Variants in ACSM2B observed in about 807,000 individuals in gnomAD.
ACSM2B encodes acyl-coenzyme A synthetase ACSM2B, mitochondrial.
ACSM2B carries 58 observed loss-of-function variants against 78.6 expected under a neutral mutation model. The observed-to-expected ratio is 0.74, with a 90% CI of 0.60 to 0.92. The LOEUF (loss-of-function observed/expected upper bound fraction) is 0.92, where lower values mean the gene tolerates loss of function less well. Among genes scored for constraint, ACSM2B ranks in the 40% least tolerant of loss-of-function variants. ACSM2B has a pLI of 0.00. For synonymous variants in ACSM2B, 257 were observed against 256.8 expected (o/e 1.00, Z -0.01); for missense variants, 688 against 711.2 (o/e 0.97, Z 0.37).
At chr16:20,559,527 A>G in intron 2 of ACSM2B, 80 bp from the exon 3 acceptor site, 1 of 1,525,336 alleles carries the variant, frequency 6.6e-7, no homozygotes, top group Non-Finnish European at 8.8e-7. Flanking sequence ...TGGGATTGCC[A>G]AGCTGGTGCT....
chr16:20,560,262 G>C (rs2152142040), intron 2 of ACSM2B, among the ~76,000 whole-genome samples: 1 of 151,714 alleles, frequency 6.6e-6, no homozygotes, highest in African/African-American at 2.4e-5. Flanking sequence ...CTGAATATTT[G>C]TCCTCTCCAA....
intron 4 of ACSM2B, among the ~76,000 whole-genome samples, chr16:20,554,817 T>G (rs1389261772): frequency 6.6e-6 from 1 of 152,250 alleles, no homozygotes; most frequent in Non-Finnish European, 1.5e-5. Flanking sequence ...TTCAACCCAC[T>G]TGGTGTTAAC....
intron 12 of ACSM2B, 155 bp from the exon 13 acceptor site, chr16:20,540,928 A>G: frequency 3.3e-6 from 4 of 1,195,310 alleles, no homozygotes; most frequent in Non-Finnish European, 4.6e-6. Context: ...AACTGGGGAC[A>G]AGAATGAGGT....
chr16:20,543,556 T>C (rs1356690136), intron 10 of ACSM2B, among the ~76,000 whole-genome samples: 3 of 152,218 alleles, frequency 2.0e-5, no homozygotes, highest in Admixed American at 6.5e-5. Flanking sequence ...CCCCAATTGA[T>C]TCCATCTCTC....
chr16:20,563,496 A>T (rs914781919), intron 2 of ACSM2B, among the ~76,000 whole-genome samples: 2 of 152,058 alleles, frequency 1.3e-5, no homozygotes, highest in African/African-American at 4.8e-5. Flanking sequence ...TATATAGCAA[A>T]TTTACTTTTA....
intron 2 of ACSM2B, among the ~76,000 whole-genome samples, chr16:20,562,674 A>G (rs1596729661): frequency 6.6e-6 from 1 of 152,164 alleles, no homozygotes; most frequent in Non-Finnish European, 1.5e-5. Context: ...ATTATGGTAG[A>G]TGGTAGGGGC....
At chr16:20,554,031 C>T (rs2015396234) in intron 4 of ACSM2B, 111 bp from the exon 5 acceptor site, 2 of 1,309,640 alleles carry the variant, frequency 1.5e-6, no homozygotes, top group African/African-American at 3.0e-5. Context: ...GTTGATGGAC[C>T]CACCTCACAA....
intron 6 of ACSM2B, among the ~76,000 whole-genome samples, chr16:20,551,921 TCTCCTGAACATA>T (rs2015320819): frequency 2.0e-5 from 3 of 152,038 alleles, no homozygotes; most frequent in Non-Finnish European, 4.4e-5. Context: ...ACAATATCTT[TCTCCTGAACATA>T]CTCCTTTTAT....
At chr16:20,547,848 A>G (rs558235506) in intron 8 of ACSM2B, 1 of 1,232,598 alleles carries the variant, frequency 8.1e-7, no homozygotes, top group Non-Finnish European at 1.1e-6. Context: ...CTCTCCCCAA[A>G]TCTCACTGGA....
chr16:20,548,435 G>A lies in ACSM2B; in HGVS notation c.933C>T (p.Ala311=), dbSNP rs563063734. 2 of 1,613,554 alleles carry A rather than the reference G, an allele frequency of 1.2e-6. No homozygotes were observed. Among genetic ancestry groups the A allele is most frequent in the East Asian group, 2.2e-5 (1 of 44,862 alleles). ...SSYPIKSMMG[A]PIVYRMLLQQ... is the part of the protein sequence containing the mutation. Reference sequence around the variant, plus strand: ...GTAGCAACATCCGGTAAACAATAGGGGCACCCATCATACTCTTGATTGGAT... The same window carrying A: ...GTAGCAACATCCGGTAAACAATAGGAGCACCCATCATACTCTTGATTGGAT... Residue 311 remains alanine (A), a synonymous_variant, in exon 7 of 14, where the codon GCC becomes GCT. Transcript: ENST00000329697.
intron 6 of ACSM2B, among the ~76,000 whole-genome samples, chr16:20,550,097 C>T (rs2015262380): frequency 6.6e-6 from 1 of 152,086 alleles, no homozygotes; most frequent in African/African-American, 2.4e-5. Flanking sequence ...CTGAAACAGT[C>T]TCTCAGGTTA....
chr16:20,566,681 AG>A (rs11306884), intron 1 of ACSM2B, among the ~76,000 whole-genome samples: 270 of 3,160 alleles, frequency 0.085, 13 homozygotes, highest in South Asian at 0.2. Flanking sequence ...ATATACATAT[AG>A]TATATACTAT....
chr16:20,537,269 G>C lies in ACSM2B; in HGVS notation c.1723C>G (p.Arg575Gly), dbSNP rs150835748. 22 of 1,614,026 alleles carry C rather than the reference G, an allele frequency of 1.4e-5. No individual in the cohort carries two copies. In the African/African-American group the frequency reaches 1.9e-4, roughly 14 times the overall value. The change falls in exon 14 of 14, where the codon CGT becomes GGT. Residue 575 changes from arginine (R) to glycine (G), a missense_variant. Arg to Gly is a moderately radical substitution (Grantham distance 125). Transcript: ENST00000329697. ...GTCTCCTAGACGCCTCACTGCGCAC[G>C]GGCTTTTCCGGACATCTTCCACTCC... ...DKEWKMSGKARAQ is the reference protein window; with the variant it reads ...DKEWKMSGKAGAQ
In ACSM2B at chr16:20,537,198, G is replaced by A; in HGVS notation, c.*60C>T. 6.3e-7 allele frequency: 1 copy of A among 1,590,490 alleles called. No homozygotes were observed. Among genetic ancestry groups the A allele is most frequent in the Admixed American group, 1.7e-5 (1 of 59,742 alleles). ...TCATATCATCATAGTAAGGCCAAGG[G>A]CCCAAAGGGAAAAGAAAGAGAAAGA... On this transcript the variant is annotated 3_prime_UTR_variant, in exon 14 of 14. Transcript: ENST00000329697.
chr16:20,543,068 C>A, intron 11 of ACSM2B, 55 bp from the exon 12 acceptor site: 2 of 1,612,792 alleles, frequency 1.2e-6, no homozygotes, highest in South Asian at 1.1e-5. Flanking sequence ...CTAGGCCATT[C>A]CGGAAGTCTG....
At chr16:20,540,387 C>T (rs1420979742) in intron 13 of ACSM2B, among the ~76,000 whole-genome samples, 1 of 151,906 alleles carries the variant, frequency 6.6e-6, no homozygotes, top group Non-Finnish European at 1.5e-5. Context: ...GGATTACAGG[C>T]ACATGCCACT....
At chr16:20,538,523 G>T (rs1340581637) in intron 13 of ACSM2B, among the ~76,000 whole-genome samples, 1 of 152,126 alleles carries the variant, frequency 6.6e-6, no homozygotes, top group African/African-American at 2.4e-5. Context: ...TAAGAAGGAA[G>T]CTACTCTGTT....
chr16:20,559,879 G>A (rs1567214571), intron 2 of ACSM2B, among the ~76,000 whole-genome samples: 1 of 150,832 alleles, frequency 6.6e-6, no homozygotes, highest in Non-Finnish European at 1.5e-5. Flanking sequence ...ACTCTGTTGT[G>A]AGTACCAACA....
chr16:20,550,605 G>A (rs1476223740), intron 6 of ACSM2B, among the ~76,000 whole-genome samples: 1 of 152,122 alleles, frequency 6.6e-6, no homozygotes, highest in East Asian at 1.9e-4. Flanking sequence ...AATTTCCTAT[G>A]AAAATCCAGA....
Sources: allele counts gnomAD v4.1 joint callset (sites outside exome capture counted in the v4.1 genomes callset), GRCh38; gene constraint gnomAD v4.1.1; transcripts MANE v1.5; gene names NCBI Gene and HGNC (gene_info 2026-07-23, HGNC 2026-07-21).